LAMA3: variants seen among roughly 807,000 people sequenced by gnomAD.
LAMA3 encodes laminin subunit alpha 3.
LAMA3 carries 281 observed loss-of-function variants against 402.0 expected under a neutral mutation model. The ratio of observed to expected loss-of-function variants is 0.70; its 90% CI spans 0.63 to 0.77. The LOEUF is 0.77. LAMA3 is among the 30% of genes least tolerant of loss of function. LAMA3 has a pLI of 0.00. For missense variants in LAMA3, 3,840 were observed against 4,215.5 expected, an observed-to-expected ratio of 0.91 and a Z score of 2.47; for synonymous variants, 1,431 against 1,558.4, an observed-to-expected ratio of 0.92 and a Z score of 1.93.
At chr18:23,770,418 T>A (rs1261824859) in intron 8 of LAMA3, among the ~76,000 whole-genome samples, 1 of 151,754 alleles carries the variant, frequency 6.6e-6, no homozygotes, top group Non-Finnish European at 1.5e-5. Flanking sequence ...AAGATTTGAA[T>A]AGCTACTTGA....
At position 23,839,063 on chromosome 18, in the gene LAMA3, G is replaced by A. The variant is rs572161753; in HGVS notation, c.3191+185G>A. The stretch of plus-strand genomic sequence containing the variant: ...ACCCCAGCAGTTTTTCCAGAATTCC[G>A]TAATATCAGGAAGCTGACCCAGGAA... On this transcript the variant is annotated intron_variant, in intron 26 of 74. Coordinates refer to ENST00000313654, the MANE Select transcript of LAMA3 (RefSeq NM_198129.4). The surrounding 1 kb of genome is among the most constrained non-coding windows in gnomAD (Gnocchi z 4.5). Among the ~76,000 whole-genome samples, 14 of 152,224 alleles carry A rather than the reference G, an allele frequency of 9.2e-5. No individual in the cohort carries two copies. The highest frequency in any genetic ancestry group is 3.4e-3 in the Middle Eastern group (1 of 294).
Position 23,954,672 on chromosome 18 carries a change from A to G in LAMA3, c.*24A>G. ...AACCCAAGCCTATTTCACAGCAAGGAAATTCACCTTCAAAAGCACTGATTA... is the reference window on the plus strand; with the variant it reads ...AACCCAAGCCTATTTCACAGCAAGGGAATTCACCTTCAAAAGCACTGATTA... On this transcript the variant is annotated 3_prime_UTR_variant, in exon 75 of 75. Coordinates refer to ENST00000313654, the MANE Select transcript of LAMA3 (RefSeq NM_198129.4). 6.2e-7 allele frequency: 1 copy of G among 1,613,660 alleles called. No individual in the cohort carries two copies. Among genetic ancestry groups the G allele is most frequent in the Non-Finnish European group, 8.5e-7 (1 of 1,179,566 alleles).
rs77601618 is a variant in LAMA3 at position 23,728,003 on chromosome 18, G to A, written c.447+13931G>A. 3.4e-3 allele frequency among the ~76,000 whole-genome samples: 522 copies of A among 152,248 alleles called. 3 individuals are homozygous for A. The highest frequency in any genetic ancestry group is 0.012 in the African/African-American group (481 of 41,526). ...CCTGCCTCGGCCTCCCAAAGTGCTG[G>A]CACTACAGCTGTGAGCCACTGGTGC... On this transcript the variant is annotated intron_variant, in intron 2 of 74. Transcript: ENST00000313654.
At chr18:23,838,623 A>G (rs2063633451) in intron 25 of LAMA3, among the ~76,000 whole-genome samples, 158 bp from the exon 26 acceptor site, 1 of 152,244 alleles carries the variant, frequency 6.6e-6, no homozygotes, top group African/African-American at 2.4e-5. Context: ...ATGCCTGAGG[A>G]CATGCCATCC....
At position 23,914,871 on chromosome 18, in the gene LAMA3, A is replaced by G. The variant is rs775584252; in HGVS notation, c.7644+11A>G. 4 of 1,589,804 alleles carry G rather than the reference A, an allele frequency of 2.5e-6. No homozygotes were observed. Among genetic ancestry groups the G allele is most frequent in the Non-Finnish European group, 3.5e-6 (4 of 1,158,194 alleles). On this transcript the variant is annotated intron_variant, in intron 58 of 74. Transcript: ENST00000313654. The stretch of plus-strand genomic sequence containing the variant: ...CCACCTGATTTTAAAGTAAGTGTAA[A>G]TGTTATTTCACTGAATTAAATATTA...
At chr18:23,708,656 T>A (rs2060933593) in intron 1 of LAMA3, among the ~76,000 whole-genome samples, 1 of 152,220 alleles carries the variant, frequency 6.6e-6, no homozygotes, top group Non-Finnish European at 1.5e-5. Flanking sequence ...ATGACTTTTT[T>A]ATTTTAATGT....
At chr18:23,772,458 T>A (rs1423949238) in intron 8 of LAMA3, among the ~76,000 whole-genome samples, 3 of 152,220 alleles carry the variant, frequency 2.0e-5, no homozygotes, top group African/African-American at 7.2e-5. Flanking sequence ...AACAACAGAT[T>A]TGAGGGTTAA....
At chr18:23,714,164 C>G in intron 2 of LAMA3, 92 bp downstream of exon 2, 1 of 1,195,006 alleles carries the variant, frequency 8.4e-7, no homozygotes, top group Non-Finnish European at 1.2e-6. Flanking sequence ...AAAAAAAAAA[C>G]AAACTTCAGT....
In LAMA3 at chr18:23,899,328, C is replaced by G. The variant is rs748079489; in HGVS notation, c.5877C>G (p.Asn1959Lys). 4.3e-6 allele frequency: 7 copies of G among 1,613,588 alleles called. No homozygotes were observed. The highest frequency in any genetic ancestry group is 1.3e-5 in the African/African-American group (1 of 74,828). Reference protein sequence around the residue: ...KQISGTDGEGNNVPSGDFSRE... With the variant: ...KQISGTDGEGKNVPSGDFSRE... ...TCTCTGGGACAGATGGAGAGGGAAA[C>G]AACGTGCCTTCAGGTGACTTTTCCA... Residue 1959 changes from asparagine (N) to lysine (K), a missense_variant, in exon 47 of 75, where the codon AAC becomes AAG. This residue lies in a region of LAMA3 where 891 missense variants were observed against 857.5 expected (regional missense o/e 1.04). Coordinates refer to ENST00000313654, the MANE Select transcript of LAMA3 (RefSeq NM_198129.4).
chr18:23,927,880 C>T (rs1200093828), intron 62 of LAMA3, among the ~76,000 whole-genome samples: 1 of 151,864 alleles, frequency 6.6e-6, no homozygotes, highest in Admixed American at 6.6e-5. Context: ...GGCCACTGGC[C>T]ATTCTTCTGT....
rs186822995 is a variant in LAMA3 at position 23,721,240 on chromosome 18, C to T, written c.447+7168C>T. Among the ~76,000 whole-genome samples the T allele has an allele frequency of 2.4e-4, 37 of 152,200 alleles. No homozygotes were observed. In the East Asian group the frequency reaches 5.6e-3, roughly 23 times the overall value. On this transcript the variant is annotated intron_variant, in intron 2 of 74. Transcript: ENST00000313654. ...CAATTGGTTCTGTTTCTCTGGAGAACGCTGATTAATACTGTGGCTAAATAC... is the reference window on the plus strand; with the variant it reads ...CAATTGGTTCTGTTTCTCTGGAGAATGCTGATTAATACTGTGGCTAAATAC...
intron 21 of LAMA3, among the ~76,000 whole-genome samples, chr18:23,825,232 T>C (rs1233154561): frequency 6.6e-6 from 1 of 152,184 alleles, no homozygotes; most frequent in African/African-American, 2.4e-5. Flanking sequence ...CCTAATAGAA[T>C]AGCCAGAGAA....
chr18:23,869,440 TAAGGTAATAG>T (rs1319843977), intron 37 of LAMA3, among the ~76,000 whole-genome samples: 2 of 152,204 alleles, frequency 1.3e-5, no homozygotes, highest in Non-Finnish European at 2.9e-5. Context: ...GGGTTCTTCT[TAAGGTAATAG>T]AAATGTTCTA....
chr18:23,948,108 G>A (rs187962784), intron 70 of LAMA3, among the ~76,000 whole-genome samples: 56 of 152,208 alleles, frequency 3.7e-4, no homozygotes, highest in Admixed American at 1.7e-3. Flanking sequence ...CACCGTGCCC[G>A]GCCCCTATTT....
At chr18:23,776,674 C>T (rs1275333339) in intron 10 of LAMA3, among the ~76,000 whole-genome samples, 1 of 152,136 alleles carries the variant, frequency 6.6e-6, no homozygotes, top group Non-Finnish European at 1.5e-5. Context: ...GCAGGACTCA[C>T]ATGAATGGGT....
chr18:23,717,884 A>G (rs564113141), intron 2 of LAMA3, among the ~76,000 whole-genome samples: 1 of 151,850 alleles, frequency 6.6e-6, no homozygotes, highest in Admixed American at 6.6e-5. Context: ...ACTTGATCTT[A>G]AAGGACAGTT....
chr18:23,770,914 CA>C (rs918089621), intron 8 of LAMA3, among the ~76,000 whole-genome samples: 3 of 152,098 alleles, frequency 2.0e-5, no homozygotes, highest in African/African-American at 7.2e-5. Flanking sequence ...AAAAGGCTGA[CA>C]ACATCAAATT....
Position 23,894,891 on chromosome 18 carries a change from A to T in LAMA3, c.5462-16A>T. On this transcript the variant is annotated splice_polypyrimidine_tract_variant and intron_variant, in intron 43 of 74. Transcript: ENST00000313654. ...TCCCCCCACAGCACATTTGCCTTTGATTGTGGCCCCTACAGATTGCGACAG... is the reference window on the plus strand; with the variant it reads ...TCCCCCCACAGCACATTTGCCTTTGTTTGTGGCCCCTACAGATTGCGACAG... 6.2e-7 allele frequency: 1 copy of T among 1,614,042 alleles called. No homozygotes were observed. The highest frequency in any genetic ancestry group is 1.1e-5 in the South Asian group (1 of 91,078).
chr18:23,785,980 A>G (rs2062537243), intron 12 of LAMA3, among the ~76,000 whole-genome samples: 1 of 152,236 alleles, frequency 6.6e-6, no homozygotes. Flanking sequence ...TGTATTCATG[A>G]CAAAGCAGAG....
Sources: gnomAD v4.1 joint callset for allele counts (sites outside exome capture counted in the v4.1 genomes callset) on GRCh38, gnomAD v4.1.1 for gene constraint, gnomAD v4.1.1 regional missense constraint, Gnocchi (gnomAD v3.1) non-coding constraint, MANE v1.5 for transcripts, NCBI Gene and HGNC (gene_info 2026-07-23, HGNC 2026-07-21) for gene names.